The following MMP20 variants were observed in gnomAD, a reference collection of about 807,000 sequenced individuals.
The protein encoded by MMP20 is matrix metalloproteinase-20.
In MMP20, 50 loss-of-function variants were observed where a neutral mutation model predicts 51.8. That is an observed-to-expected ratio of 0.97 (90% confidence interval 0.77 to 1.22). The LOEUF (loss-of-function observed/expected upper bound fraction) is 1.22, where lower values mean the gene tolerates loss of function less well. Among genes scored for constraint, MMP20 ranks in the 50% most tolerant of loss-of-function variants. MMP20 has a pLI of 0.00. For synonymous variants in MMP20, 244 were observed against 216.2 expected (o/e 1.13, Z -1.13); for missense variants, 663 against 601.4 (o/e 1.10, Z -1.07).
rs141618050 is a variant in MMP20 at position 102,605,605 on chromosome 11, C to T, written c.953+930G>A. Among the ~76,000 whole-genome samples, 667 of 152,140 alleles carry T rather than the reference C, an allele frequency of 4.4e-3. 2 individuals are homozygous for T. Among genetic ancestry groups the T allele is most frequent in the Non-Finnish European group, 7.5e-3 (510 of 68,006 alleles). On this transcript the variant is annotated intron_variant, in intron 6 of 9. Coordinates refer to ENST00000260228, the MANE Select transcript of MMP20 (RefSeq NM_004771.4). Reference sequence around the variant, plus strand: ...GGCCTAACTTTTAGAGCTCATGTCTCACTATCTTGCAGGGCTTTTGGAGTC... The same window carrying T: ...GGCCTAACTTTTAGAGCTCATGTCTTACTATCTTGCAGGGCTTTTGGAGTC...
intron 6 of MMP20, among the ~76,000 whole-genome samples, chr11:102,601,326 G>A (rs1591615597): frequency 1.9e-5 from 1 of 51,598 alleles, no homozygotes; most frequent in Admixed American, 1.9e-4. Flanking sequence ...TAGAGACGGG[G>A]TTTCACCGTT....
chr11:102,609,813 G>C (rs1274507156), intron 4 of MMP20, 92 bp downstream of exon 4: 4 of 1,573,670 alleles, frequency 2.5e-6, no homozygotes, highest in Non-Finnish European at 3.5e-6. Flanking sequence ...CTAGTTAAAG[G>C]GTGGCTTGGG....
intron 1 of MMP20, among the ~76,000 whole-genome samples, chr11:102,621,885 G>A (rs1859755416): frequency 6.6e-6 from 1 of 152,178 alleles, no homozygotes; most frequent in African/African-American, 2.4e-5. Context: ...AAAAACACCT[G>A]AATTAACAGT....
intron 6 of MMP20, among the ~76,000 whole-genome samples, chr11:102,595,620 T>C (rs1057183207): frequency 3.3e-5 from 5 of 152,236 alleles, no homozygotes; most frequent in African/African-American, 1.2e-4. Context: ...GTTGCCTACA[T>C]AATTGTGCGC....
Position 102,609,021 on chromosome 11 carries a change from G to C in MMP20, c.727C>G (p.Leu243Val), listed in dbSNP as rs763810827. The part of the protein sequence containing the change: ...GLAHSTDPSA[L>V]MYPTYKYKNP... ...TTGTACTTATAAGTTGGGTACATCA[G>C]TGCTGATGGGTCTGTGGAATGGGCC... Residue 243 changes from leucine (L) to valine (V), a missense_variant, in exon 5 of 10, where the codon CTG becomes GTG. Coordinates refer to ENST00000260228, the MANE Select transcript of MMP20 (RefSeq NM_004771.4). 1.2e-6 allele frequency: 2 copies of C among 1,613,954 alleles called. No homozygotes were observed. The highest frequency in any genetic ancestry group is 1.7e-6 in the Non-Finnish European group (2 of 1,179,834).
intron 8 of MMP20, among the ~76,000 whole-genome samples, chr11:102,587,217 T>G (rs1224729071): frequency 6.6e-6 from 1 of 152,228 alleles, no homozygotes; most frequent in Non-Finnish European, 1.5e-5. Context: ...CCATTGGTTG[T>G]TTAATAGTAT....
chr11:102,578,591 C>T lies in MMP20; in HGVS notation c.1351+448G>A, dbSNP rs537127863. 3.3e-5 allele frequency among the ~76,000 whole-genome samples: 5 copies of T among 152,296 alleles called. No homozygotes were observed. In the South Asian group the frequency reaches 1.0e-3, roughly 32 times the overall value. On this transcript the variant is annotated intron_variant, in intron 9 of 9. Transcript: ENST00000260228. The stretch of plus-strand genomic sequence containing the variant: ...TCTCCACTAAAAATACAAACATTAG[C>T]TGGGCCTGGTGGCCAGCGCCTGTAG...
intron 3 of MMP20, 61 bp downstream of exon 3, chr11:102,611,694 A>T: frequency 6.3e-7 from 1 of 1,586,876 alleles, no homozygotes; most frequent in South Asian, 1.1e-5. Flanking sequence ...AAGATGTAGA[A>T]GGAACAGTAT....
At chr11:102,604,580 G>A (rs1418380685) in intron 6 of MMP20, among the ~76,000 whole-genome samples, 1 of 152,130 alleles carries the variant, frequency 6.6e-6, no homozygotes, top group Non-Finnish European at 1.5e-5. Context: ...GTAAGCAGTA[G>A]GGCCACCCAC....
chr11:102,608,187 A>G (rs951424522), intron 5 of MMP20: 1 of 152,262 alleles, frequency 6.6e-6, no homozygotes, highest in Non-Finnish European at 1.5e-5. Flanking sequence ...CCAGGTCTCC[A>G]GGGCTCAAAG....
At chr11:102,597,829 G>A (rs541376173) in intron 6 of MMP20, among the ~76,000 whole-genome samples, 11 of 151,992 alleles carry the variant, frequency 7.2e-5, no homozygotes, top group Non-Finnish European at 1.5e-4. Flanking sequence ...GTGCAATGGC[G>A]TGATCTAAGT....
At chr11:102,603,979 A>G (rs1033280747) in intron 6 of MMP20, among the ~76,000 whole-genome samples, 3 of 151,926 alleles carry the variant, frequency 2.0e-5, no homozygotes, top group Admixed American at 1.3e-4. Context: ...TTAAGTAGTC[A>G]TTAGTAATTG....
intron 8 of MMP20, among the ~76,000 whole-genome samples, chr11:102,587,043 T>C (rs1316325219): frequency 2.0e-5 from 3 of 152,166 alleles, no homozygotes; most frequent in Non-Finnish European, 4.4e-5. Flanking sequence ...AAGGTGAAGT[T>C]ATTGATTTGA....
rs773195295 is a variant in MMP20 at position 102,610,032 on chromosome 11, TA to T, written c.524-3del. On this transcript the variant is annotated splice_region_variant and splice_polypyrimidine_tract_variant and intron_variant, in intron 3 of 9. Transcript: ENST00000260228. ...CGAATGGATAGGAATCCCCGTGATC[TA>T]AACAAGTGGGGAGAAAGGCCAACAA... 2.5e-6 allele frequency: 4 copies of T among 1,614,074 alleles called. No individual in the cohort carries two copies. The South Asian group carries it at 4.4e-5, about 18-fold the overall frequency.
chr11:102,608,585 G>T (rs982579347), intron 5 of MMP20, among the ~76,000 whole-genome samples: 2 of 152,150 alleles, frequency 1.3e-5, no homozygotes, highest in African/African-American at 4.8e-5. Context: ...AGGGAGATAA[G>T]GTCACTTATC....
intron 5 of MMP20, chr11:102,606,899 T>G (rs1220179747): frequency 1.8e-6 from 1 of 551,338 alleles, no homozygotes; most frequent in African/African-American, 1.9e-5. Flanking sequence ...TCCTCACTTG[T>G]TAAAAGGGAG....
chr11:102,618,935 T>G (rs968013197), intron 1 of MMP20, among the ~76,000 whole-genome samples: 1 of 152,106 alleles, frequency 6.6e-6, no homozygotes, highest in African/African-American at 2.4e-5. Context: ...GCCCTTCCTG[T>G]GAGAGAAGAT....
intron 8 of MMP20, among the ~76,000 whole-genome samples, chr11:102,581,691 G>T (rs1020627457): frequency 2.0e-5 from 3 of 152,150 alleles, no homozygotes; most frequent in Non-Finnish European, 4.4e-5. Context: ...GTGATCTTGA[G>T]TGAATCATGT....
At chr11:102,610,773 A>T (rs1378828368) in intron 3 of MMP20, among the ~76,000 whole-genome samples, 154 of 148,364 alleles carry the variant, frequency 1.0e-3, no homozygotes, top group Non-Finnish European at 1.6e-3. Context: ...TTTTTTTTTA[A>T]AAAGCCGACA....
Sources: gnomAD v4.1 joint callset for allele counts (sites outside exome capture counted in the v4.1 genomes callset) on GRCh38, gnomAD v4.1.1 for gene constraint, MANE v1.5 for transcripts, NCBI Gene and HGNC (gene_info 2026-07-23, HGNC 2026-07-21) for gene names.